Variants in TRMT2A observed in about 807,000 individuals in gnomAD.
TRMT2A encodes tRNA methyltransferase 2A.
Under a neutral mutation model 59.3 loss-of-function variants are expected in TRMT2A, and 60 were observed. The observed-to-expected ratio is 1.01, with a 90% CI of 0.82 to 1.26. The LOEUF is 1.26. Ranked by LOEUF, TRMT2A falls within the 50% of genes most tolerant of loss-of-function variation. The pLI, the probability that TRMT2A is intolerant of heterozygous loss-of-function variation, is 0.00. For synonymous variants in TRMT2A, 403 were observed against 353.7 expected (o/e 1.14, Z -1.56); for missense variants, 863 against 845.2 (o/e 1.02, Z -0.26).
At chr22:20,113,625 T>G in intron 8 of TRMT2A, 61 bp downstream of exon 8, 2 of 1,593,706 alleles carry the variant, frequency 1.3e-6, no homozygotes, top group South Asian at 1.1e-5. Flanking sequence ...GACTTTGAGC[T>G]GGGGTCAATG....
At position 20,115,013 on chromosome 22, in the gene TRMT2A, G is replaced by A; in HGVS notation, c.957C>T (p.Arg319=). The change falls in exon 5 of 12, where the codon CGC becomes CGT. Residue 319 remains arginine (R), a synonymous_variant. Coordinates refer to ENST00000252136, the MANE Select transcript of TRMT2A (RefSeq NM_022727.6). ...YTGHWKQLTV[R]TSRRHQAMAI... ...CCATGGCCTGGTGGCGGCGGCTGGT[G>A]CGCACAGTCAGCTGCTTCCAGTGGC... 1 of 1,599,518 alleles carries A rather than the reference G, an allele frequency of 6.3e-7. No individual in the cohort carries two copies. The highest frequency in any genetic ancestry group is 8.5e-7 in the Non-Finnish European group (1 of 1,175,458).
At chr22:20,116,827 A>ACCCCCC in intron 1 of TRMT2A, 56 bp downstream of exon 1, 6 of 1,018,020 alleles carry the variant, frequency 5.9e-6, no homozygotes, top group South Asian at 2.0e-5. Flanking sequence ...TTCCTGACCC[A>ACCCCCC]CCCCGCCTCC....
rs145651174 is a variant in TRMT2A, at chr22:20,113,484, G to A, written c.1380C>T (p.Val460=). 388 of 1,613,094 alleles carry A rather than the reference G, an allele frequency of 2.4e-4. No individual in the cohort carries two copies. Among genetic ancestry groups the A allele is most frequent in the Non-Finnish European group, 3.1e-4 (363 of 1,179,894 alleles). Residue 460 remains valine, a synonymous_variant, in exon 9 of 12, where the codon GTC becomes GTT. Transcript: ENST00000252136. ...CCTCCACAGCCTCTGGGCATAGCTCGACCCCAATGACCCTCTTTACCTTCT... is the reference window on the plus strand; with the variant it reads ...CCTCCACAGCCTCTGGGCATAGCTCAACCCCAATGACCCTCTTTACCTTCT... ...LARKVKRVIG[V]ELCPEAVEDA...
chr22:20,115,143 T>G, intron 4 of TRMT2A, 64 bp from the exon 5 acceptor site: 3 of 1,563,460 alleles, frequency 1.9e-6, no homozygotes, highest in African/African-American at 1.4e-5. Context: ...TGCTCTCTCC[T>G]CTGGCCACAC....
In TRMT2A at chr22:20,112,850, T is replaced by C. The variant is rs541438727; in HGVS notation, c.1647-56A>G. On this transcript the variant is annotated intron_variant, in intron 11 of 11. Coordinates refer to ENST00000252136, the MANE Select transcript of TRMT2A (RefSeq NM_022727.6). ...AGCCGATAGGCTAATCAGGGGCTCC[T>C]GTGGGAGCTGGGGGCTTGGTAGCAG... 140 of 1,612,506 alleles carry C rather than the reference T, an allele frequency of 8.7e-5. No homozygotes were observed. The African/African-American group carries it at 1.7e-3, about 20-fold the overall frequency.
Position 20,113,502 on chromosome 22 carries a change from T to TA in TRMT2A, c.1361dup (p.Arg456GlufsTer23). ...ATAGCTCGACCCCAATGACCCTCTT[T>TA]ACCTTCTGAAACAGGAAAGCGTGGT... On this transcript the variant is annotated frameshift_variant, in exon 9 of 12. Transcript: ENST00000252136. LOFTEE classifies it high-confidence loss of function. 1 of 1,613,484 alleles carries TA rather than the reference T, an allele frequency of 6.2e-7. No homozygotes were observed. The highest frequency in any genetic ancestry group is 8.5e-7 in the Non-Finnish European group (1 of 1,179,942).
rs369676184 is a variant in TRMT2A, at chr22:20,113,170, T to G, written c.1497A>C (p.Arg499Ser). The change falls in exon 10 of 12, where the codon AGA becomes AGC. Residue 499 changes from arginine (R) to serine (S), a missense_variant. Coordinates refer to ENST00000252136, the MANE Select transcript of TRMT2A (RefSeq NM_022727.6). ...AEDLVPTLVS[R>S]LASQHLVAIL... ...TGGCCACGAGGTGCTGGGAGGCCAG[T>G]CTGCTCACCAGGGTGGGCACCAGGT... The G allele has an allele frequency of 3.1e-6, 5 of 1,597,504 alleles. No homozygotes were observed. Among genetic ancestry groups the G allele is most frequent in the Admixed American group, 1.7e-5 (1 of 59,126 alleles).
chr22:20,115,082 G>A lies in TRMT2A; in HGVS notation c.891-3C>T, dbSNP rs537248306. 184 of 1,587,866 alleles carry A rather than the reference G, an allele frequency of 1.2e-4. 1 individual carries two copies. In the South Asian group the frequency reaches 2.0e-3, roughly 17 times the overall value. On this transcript the variant is annotated splice_polypyrimidine_tract_variant and splice_region_variant and intron_variant, in intron 4 of 11. Coordinates refer to ENST00000252136, the MANE Select transcript of TRMT2A (RefSeq NM_022727.6). Reference sequence around the variant, plus strand: ...CGTATGCCGAGTATGGAGTGGACCTGTGGGAATCACGAGCTGGCCCAAGTG... The same window carrying A: ...CGTATGCCGAGTATGGAGTGGACCTATGGGAATCACGAGCTGGCCCAAGTG...
Position 20,116,350 on chromosome 22 carries a change from A to C in TRMT2A, c.287T>G (p.Phe96Cys). Residue 96 changes from phenylalanine (F) to cysteine (C), a missense_variant, in exon 2 of 12, where the codon TTT (phenylalanine) becomes TGT (cysteine). Transcript: ENST00000252136. ...FSDVRRFLGR[F>C]GLQPHKTKLF... is the part of the protein sequence containing the mutation. ...TTTGGTTTTGTGGGGCTGCAGACCAAAGCGGCCCAGGAAGCGCCGGACGTC... is the reference window on the plus strand; with the variant it reads ...TTTGGTTTTGTGGGGCTGCAGACCACAGCGGCCCAGGAAGCGCCGGACGTC... 2 of 1,612,966 alleles carry C rather than the reference A, an allele frequency of 1.2e-6. No individual in the cohort carries two copies. Among genetic ancestry groups the C allele is most frequent in the Non-Finnish European group, 1.7e-6 (2 of 1,179,988 alleles).
rs747494904 is a variant in TRMT2A at position 20,113,760 on chromosome 22, C to T, written c.1282G>A (p.Ala428Thr). ...EVLYTVIQDW[A>T]QLDAGSMVLD... ...ACCATGCTCCCCGCATCCAATTGGG[C>T]CCAGTCCTGGATGACTGTGTAGAGC... is the stretch of plus-strand genomic sequence containing the variant. The change falls in exon 8 of 12, where the codon GCC (alanine) becomes ACC (threonine). Residue 428 changes from alanine to threonine, a missense_variant. Transcript: ENST00000252136. 34 of 1,609,346 alleles carry T rather than the reference C, an allele frequency of 2.1e-5. No homozygotes were observed. The East Asian group carries it at 3.8e-4, about 18-fold the overall frequency.
Position 20,115,038 on chromosome 22 carries a change from C to T in TRMT2A, c.932G>A (p.Gly311Asp), listed in dbSNP as rs1181840851. The T allele has an allele frequency of 6.9e-6, 11 of 1,598,166 alleles. No homozygotes were observed. Among genetic ancestry groups the T allele is most frequent in the Non-Finnish European group, 9.4e-6 (11 of 1,175,496 alleles). The stretch of plus-strand genomic sequence containing the variant: ...GCGCACAGTCAGCTGCTTCCAGTGG[C>T]CTGTGTACGTCTCTGGGTCGTATGC... Reference protein sequence around the residue: ...YSAYDPETYTGHWKQLTVRTS... With the variant: ...YSAYDPETYTDHWKQLTVRTS... Residue 311 changes from glycine to aspartate, a missense_variant, in exon 5 of 12, where the codon GGC (glycine) becomes GAC (aspartate). By Grantham distance (94) the Gly-to-Asp change is moderately conservative. Transcript: ENST00000252136.
chr22:20,113,459 C>T lies in TRMT2A; in HGVS notation c.1405G>A (p.Asp469Asn), dbSNP rs2049911374. 1.2e-6 allele frequency: 2 copies of T among 1,612,850 alleles called. No individual in the cohort carries two copies. Among genetic ancestry groups the T allele is most frequent in the South Asian group, 2.2e-5 (2 of 91,074 alleles). The part of the protein sequence containing the change: ...GVELCPEAVE[D>N]ARVNAQDNEL... ...TTGTCCTGGGCGTTCACCCGGGCGT[C>T]CTCCACAGCCTCTGGGCATAGCTCG... The change falls in exon 9 of 12, where the codon GAC becomes AAC. Residue 469 changes from aspartate (D) to asparagine (N), a missense_variant. Asp to Asn is a conservative substitution (Grantham distance 23, BLOSUM62 1). Transcript: ENST00000252136.
chr22:20,112,592 G>C lies in TRMT2A; in HGVS notation c.1849C>G (p.Gln617Glu), dbSNP rs568944640. The change falls in exon 12 of 12, where the codon CAA becomes GAA. Residue 617 changes from glutamine (Q) to glutamate (E), a missense_variant. By Grantham distance (29) the Gln-to-Glu change is conservative. Transcript: ENST00000252136. ...PTPGPPDNTL[Q>E]ETGTFPSS is the part of the protein sequence containing the mutation. ...GATGAGGGGAAGGTCCCAGTTTCTT[G>C]TAGGGTGTTATCTGGGGGTCCTGGT... is the stretch of plus-strand genomic sequence containing the variant. 6.2e-7 allele frequency: 1 copy of C among 1,613,930 alleles called. No homozygotes were observed. The highest frequency in any genetic ancestry group is 1.7e-5 in the Admixed American group (1 of 60,008).
chr22:20,115,523 G>T, intron 3 of TRMT2A, 76 bp from the exon 4 acceptor site: 2 of 1,573,548 alleles, frequency 1.3e-6, no homozygotes, highest in South Asian at 1.1e-5. Context: ...CCCCACAGGG[G>T]CTGGCAGTCA....
chr22:20,116,731 TC>T, intron 1 of TRMT2A, 119 bp from the exon 2 acceptor site: 2 of 1,368,372 alleles, frequency 1.5e-6, no homozygotes, highest in Non-Finnish European at 2.0e-6. Flanking sequence ...GCCCTGCCCC[TC>T]CCCCAGTCTA....
At position 20,112,683 on chromosome 22, in the gene TRMT2A, A is replaced by C. The variant is rs1475691675; in HGVS notation, c.1758T>G (p.Phe586Leu). 6.2e-7 allele frequency: 1 copy of C among 1,613,924 alleles called. No homozygotes were observed. Among genetic ancestry groups the C allele is most frequent in the Non-Finnish European group, 8.5e-7 (1 of 1,180,016 alleles). The part of the protein sequence containing the change: ...QTPHCEMLIL[F>L]ERVEHPNGTG... Reference sequence around the variant, plus strand: ...TGCCATTGGGGTGCTCCACCCTCTCAAACAGGATGAGCATCTCACAGTGCG... The same window carrying C: ...TGCCATTGGGGTGCTCCACCCTCTCCAACAGGATGAGCATCTCACAGTGCG... Residue 586 changes from phenylalanine (F) to leucine (L), a missense_variant, in exon 12 of 12, where the codon TTT becomes TTG. Phe to Leu is a conservative substitution (Grantham distance 22). Transcript: ENST00000252136.
chr22:20,116,834 C>T (rs1460037632), intron 1 of TRMT2A, 49 bp downstream of exon 1: 10 of 1,534,816 alleles, frequency 6.5e-6, no homozygotes, highest in Non-Finnish European at 8.9e-6. Flanking sequence ...CCCACCCCGC[C>T]TCCTCCCACC....
rs1408620730 is a variant in TRMT2A at position 20,116,291 on chromosome 22, A to G, written c.346T>C (p.Phe116Leu). 1.1e-5 allele frequency: 17 copies of G among 1,612,972 alleles called. No individual in the cohort carries two copies. The highest frequency in any genetic ancestry group is 1.4e-5 in the Non-Finnish European group (17 of 1,180,014). ...FGQPPCAFVT[F>L]RSAAERDKAL... ...TTGTCCCTCTCTGCAGCGCTGCGGAATGTCACAAAGGCGCAGGGTGGTTGC... is the reference window on the plus strand; with the variant it reads ...TTGTCCCTCTCTGCAGCGCTGCGGAGTGTCACAAAGGCGCAGGGTGGTTGC... Residue 116 changes from phenylalanine (F) to leucine (L), a missense_variant, in exon 2 of 12, where the codon TTC (phenylalanine) becomes CTC (leucine). By Grantham distance (22) the Phe-to-Leu change is conservative (BLOSUM62 0). Coordinates refer to ENST00000252136, the MANE Select transcript of TRMT2A (RefSeq NM_022727.6).
At position 20,117,058 on chromosome 22, in the gene TRMT2A, C is replaced by T; in HGVS notation, c.-152G>A. 7.0e-6 allele frequency: 7 copies of T among 998,622 alleles called. No homozygotes were observed. The South Asian group carries it at 1.1e-4, about 16-fold the overall frequency. The allele number at this position is 998,622 out of a possible 1,614,324, so 61.9% of individuals were successfully genotyped here. ...CCGGTGCAACGCCGCGAGGTCGCCG[C>T]CACCCCCGGCTTCGCCCCAGGCGGG... On this transcript the variant is annotated 5_prime_UTR_variant, in exon 1 of 12. Coordinates refer to ENST00000252136, the MANE Select transcript of TRMT2A (RefSeq NM_022727.6).
Sources: gnomAD v4.1 joint callset for allele counts on GRCh38, gnomAD v4.1.1 for gene constraint, MANE v1.5 for transcripts, NCBI Gene and HGNC (gene_info 2026-07-23, HGNC 2026-07-21) for gene names.